SLC5A1: variants seen among roughly 807,000 people sequenced by gnomAD.
SLC5A1 encodes sodium/glucose cotransporter 1.
In SLC5A1, 42 loss-of-function variants were observed where a neutral mutation model predicts 73.5. The observed-to-expected ratio is 0.57, with a 90% CI of 0.45 to 0.74. The LOEUF is 0.74. Among genes scored for constraint, SLC5A1 ranks in the 30% least tolerant of loss-of-function variants. The probability of loss-of-function intolerance (pLI) is 0.00; values close to 1 mark genes in which losing one functional copy is unlikely to be tolerated. For missense variants in SLC5A1, 634 were observed against 855.4 expected (o/e 0.74, Z 3.23); for synonymous variants, 300 against 317.4 (o/e 0.95, Z 0.58).
At chr22:32,045,982 G>A (rs1460540058) in intron 1 of SLC5A1, among the ~76,000 whole-genome samples, 4 of 152,210 alleles carry the variant, frequency 2.6e-5, no homozygotes, top group African/African-American at 9.6e-5. Context: ...AGAATTTGCA[G>A]TAGAGACCCT....
At chr22:32,100,525 TTTG>T (rs2094034526) in intron 12 of SLC5A1, among the ~76,000 whole-genome samples, 1 of 152,300 alleles carries the variant, frequency 6.6e-6, no homozygotes, top group South Asian at 2.1e-4. Context: ...CTGTACCTAA[TTTG>T]TTGAGTTTTT....
intron 2 of SLC5A1, 31 bp downstream of exon 2, chr22:32,050,045 A>T: frequency 1.9e-6 from 3 of 1,545,942 alleles, no homozygotes; most frequent in Non-Finnish European, 2.7e-6. Context: ...TATTTACATA[A>T]CTGCTTAACT....
chr22:32,043,320 C>T lies in SLC5A1; in HGVS notation c.39C>T (p.Val13=), dbSNP rs778716039. 1 of 1,614,224 alleles carries T rather than the reference C, an allele frequency of 6.2e-7. No individual in the cohort carries two copies. The highest frequency in any genetic ancestry group is 1.1e-5 in the South Asian group (1 of 91,082). Residue 13 remains valine, a synonymous_variant, in exon 1 of 15, where the codon GTC becomes GTT. Coordinates refer to ENST00000266088, the MANE Select transcript of SLC5A1 (RefSeq NM_000343.4). This position sits in a 1 kb window ranked among gnomAD's most constrained non-coding sequence, Gnocchi z 6.5. ...CCTGGAGCCCCAAGACCACCGCGGT[C>T]ACCCGGCCTGTTGAGACCCACGAGC... ...SSTWSPKTTA[V]TRPVETHELI...
chr22:32,080,530 A>G (rs1447731550), intron 5 of SLC5A1, among the ~76,000 whole-genome samples: 1 of 152,146 alleles, frequency 6.6e-6, no homozygotes, highest in East Asian at 1.9e-4. Flanking sequence ...AGGAGATGCA[A>G]GATATAAGAG....
intron 11 of SLC5A1, among the ~76,000 whole-genome samples, chr22:32,096,820 G>T (rs74357420): frequency 0.01 from 1,580 of 152,270 alleles, 23 homozygotes; most frequent in African/African-American, 0.036. Flanking sequence ...GTTTCCCAGT[G>T]AGTGCAGGAG....
chr22:32,075,070 C>CTTTTTTTTT (rs1045791303), intron 5 of SLC5A1, among the ~76,000 whole-genome samples: 3 of 107,674 alleles, frequency 2.8e-5, no homozygotes, highest in Non-Finnish European at 3.9e-5. Context: ...CTATTTTTTA[C>CTTTTTTTTT]TTTTTTTTTT....
intron 5 of SLC5A1, among the ~76,000 whole-genome samples, chr22:32,069,254 C>T (rs546941675): frequency 2.4e-4 from 36 of 152,150 alleles, no homozygotes; most frequent in Non-Finnish European, 4.7e-4. Context: ...TGGTGGTTAC[C>T]AGGGTCTGGG....
At chr22:32,076,632 G>C (rs1193994106) in intron 5 of SLC5A1, among the ~76,000 whole-genome samples, 1 of 152,228 alleles carries the variant, frequency 6.6e-6, no homozygotes, top group Non-Finnish European at 1.5e-5. Flanking sequence ...ACTTTCACAA[G>C]TGGAAAGAGA....
At chr22:32,075,477 G>A (rs2149490117) in intron 5 of SLC5A1, among the ~76,000 whole-genome samples, 1 of 152,250 alleles carries the variant, frequency 6.6e-6, no homozygotes, top group East Asian at 1.9e-4. Context: ...CAGGGGAAGG[G>A]ACTATGAGGG....
intron 12 of SLC5A1, among the ~76,000 whole-genome samples, chr22:32,101,720 AGGTT>A (rs2094036592): frequency 6.6e-6 from 1 of 152,208 alleles, no homozygotes; most frequent in African/African-American, 2.4e-5. Flanking sequence ...TCAAGTCTGT[AGGTT>A]GACATTCTAT....
chr22:32,105,315 C>T (rs1434567018), intron 14 of SLC5A1, among the ~76,000 whole-genome samples: 1 of 144,902 alleles, frequency 6.9e-6, no homozygotes, highest in African/African-American at 2.5e-5. Flanking sequence ...TTTTTTGAGA[C>T]CGAGTTTCAC....
intron 1 of SLC5A1, among the ~76,000 whole-genome samples, chr22:32,047,244 G>A (rs1172720396): frequency 6.6e-6 from 1 of 152,094 alleles, no homozygotes; most frequent in East Asian, 1.9e-4. Context: ...AAATTCCAGA[G>A]AAGAAAAGAC....
intron 11 of SLC5A1, among the ~76,000 whole-genome samples, chr22:32,097,106 T>C (rs946156054): frequency 2.0e-5 from 3 of 152,234 alleles, no homozygotes; most frequent in African/African-American, 7.2e-5. Flanking sequence ...ATGAATCCCA[T>C]GGCCCTGAGA....
chr22:32,060,182 CACACAT>C (rs375118230), intron 2 of SLC5A1, among the ~76,000 whole-genome samples: 3,354 of 111,656 alleles, frequency 0.03, 105 homozygotes, highest in African/African-American at 0.065. Context: ...CACACACACA[CACACAT>C]ATATATATAT....
intron 10 of SLC5A1, among the ~76,000 whole-genome samples, chr22:32,091,369 G>C (rs2149494122): frequency 6.7e-6 from 1 of 149,934 alleles, no homozygotes; most frequent in East Asian, 2.0e-4. Context: ...TCGTCCAGTT[G>C]CAAAGTATTC....
chr22:32,077,164 T>C (rs1054510646), intron 5 of SLC5A1, among the ~76,000 whole-genome samples: 5 of 152,176 alleles, frequency 3.3e-5, no homozygotes, highest in Non-Finnish European at 5.9e-5. Flanking sequence ...CTTAGCAGCA[T>C]TGGAGAAATT....
chr22:32,075,213 G>A (rs1240757790), intron 5 of SLC5A1, among the ~76,000 whole-genome samples: 1 of 151,498 alleles, frequency 6.6e-6, no homozygotes, highest in Non-Finnish European at 1.5e-5. Context: ...CATCTGGCTG[G>A]GATTTTTATT....
intron 12 of SLC5A1, 84 bp downstream of exon 12, chr22:32,099,435 T>G (rs2094032715): frequency 1.6e-6 from 2 of 1,280,404 alleles, no homozygotes; most frequent in Admixed American, 1.7e-5. Flanking sequence ...GTGGGAGGGA[T>G]TCTATTTCCC....
chr22:32,077,336 C>A (rs915601277), intron 5 of SLC5A1, among the ~76,000 whole-genome samples: 3 of 149,460 alleles, frequency 2.0e-5, no homozygotes, highest in Non-Finnish European at 3.0e-5. Flanking sequence ...CTCTCTCCCC[C>A]TTTTTTCACT....
Sources: gnomAD v4.1 joint callset for allele counts (sites outside exome capture counted in the v4.1 genomes callset) on GRCh38, gnomAD v4.1.1 for gene constraint, Gnocchi (gnomAD v3.1) non-coding constraint, MANE v1.5 for transcripts, NCBI Gene and HGNC (gene_info 2026-07-23, HGNC 2026-07-21) for gene names.